Variants in SLC30A4 observed in about 807,000 individuals in gnomAD.
SLC30A4 encodes solute carrier family 30 member 4, also known as probable proton-coupled zinc antiporter SLC30A4.
In SLC30A4, 20 loss-of-function variants were observed where a neutral mutation model predicts 41.7. The observed-to-expected ratio is 0.48, with a 90% confidence interval of 0.34 to 0.70. SLC30A4 has a LOEUF of 0.70. SLC30A4 is among the 30% of genes least tolerant of loss of function. The probability of loss-of-function intolerance (pLI) is 0.01; values close to 1 mark genes in which losing one functional copy is unlikely to be tolerated. For missense variants in SLC30A4, 441 were observed against 529.3 expected (o/e 0.83, Z 1.64); for synonymous variants, 181 against 195.9 (o/e 0.92, Z 0.64).
At chr15:45,491,874 A>G (rs1595522926) in intron 3 of SLC30A4, among the ~76,000 whole-genome samples, 2 of 152,204 alleles carry the variant, frequency 1.3e-5, no homozygotes, top group East Asian at 1.9e-4. Flanking sequence ...AAAAAAATCA[A>G]TAAGAAAATT....
chr15:45,513,382 CT>C (rs746584532), intron 2 of SLC30A4, among the ~76,000 whole-genome samples: 128 of 136,550 alleles, frequency 9.4e-4, no homozygotes, highest in Admixed American at 1.1e-3. Flanking sequence ...ATCTTTTTAT[CT>C]TTTTTTTTTT....
chr15:45,490,889 G>A lies in SLC30A4; in HGVS notation c.539-8C>T. 1 of 1,542,682 alleles carries A rather than the reference G, an allele frequency of 6.5e-7. No individual in the cohort carries two copies. Among genetic ancestry groups the A allele is most frequent in the Non-Finnish European group, 8.8e-7 (1 of 1,141,680 alleles). ...TCATAGCTGACAAAACCTCTAGAGG[G>A]AAAAACACATATAACAAATACATTT... On this transcript the variant is annotated splice_region_variant and splice_polypyrimidine_tract_variant and intron_variant, in intron 3 of 7. Transcript: ENST00000261867.
chr15:45,481,534 C>A lies in SLC30A4; in HGVS notation c.*3629G>T, dbSNP rs989424110. The A allele has an allele frequency of 8.5e-5, 13 of 152,154 alleles. No individual in the cohort carries two copies. The highest frequency in any genetic ancestry group is 3.9e-4 in the Admixed American group (6 of 15,268). The allele number at this position is 152,154 out of a possible 1,614,324, so 9.4% of individuals were successfully genotyped here. ...TAAAATATATCACACCAAAGAACTG[C>A]CAAGTTTTTATATTGTGGTCTGTGG... On this transcript the variant is annotated 3_prime_UTR_variant, in exon 8 of 8. Coordinates refer to ENST00000261867, the MANE Select transcript of SLC30A4 (RefSeq NM_013309.6).
intron 2 of SLC30A4, chr15:45,521,701 A>G (rs1354392900): frequency 4.8e-6 from 2 of 415,164 alleles, no homozygotes; most frequent in Admixed American, 8.0e-5. Context: ...CATGACATAC[A>G]ATGAAGATAA....
rs757859761 is a variant in SLC30A4, at chr15:45,488,807, C to T, written c.894+34G>A. The T allele has an allele frequency of 5.0e-5, 78 of 1,555,916 alleles. 1 individual carries two copies. Among genetic ancestry groups the T allele is most frequent in the South Asian group, 1.0e-4 (9 of 89,618 alleles). Reference sequence around the variant, plus strand: ...TTAGTTTTCATGTTGAAATTAAGTACATTTTAAAATAGAAAAATTACCAAT... The same window carrying T: ...TTAGTTTTCATGTTGAAATTAAGTATATTTTAAAATAGAAAAATTACCAAT... On this transcript the variant is annotated intron_variant, in intron 5 of 7. Transcript: ENST00000261867.
rs1334963905 is a variant in SLC30A4 at position 45,481,870 on chromosome 15, C to T, written c.*3293G>A. 2 of 151,828 alleles carry T rather than the reference C, an allele frequency of 1.3e-5. No individual in the cohort carries two copies. The highest frequency in any genetic ancestry group is 1.3e-4 in the Admixed American group (2 of 15,224). The allele number at this position is 151,828 out of a possible 1,614,324, so 9.4% of individuals were successfully genotyped here. On this transcript the variant is annotated 3_prime_UTR_variant, in exon 8 of 8. Coordinates refer to ENST00000261867, the MANE Select transcript of SLC30A4 (RefSeq NM_013309.6). Reference sequence around the variant, plus strand: ...TGTACTTTTTCCTACAAAAACAAAGCACAGGAAACTTTATGTGTACCTCAC... The same window carrying T: ...TGTACTTTTTCCTACAAAAACAAAGTACAGGAAACTTTATGTGTACCTCAC...
chr15:45,505,238 T>TAAAAAAAAA (rs1209222695), intron 3 of SLC30A4, among the ~76,000 whole-genome samples: 35 of 52,112 alleles, frequency 6.7e-4, no homozygotes, highest in Non-Finnish European at 9.6e-4. Context: ...TCTCAAAAAT[T>TAAAAAAAAA]AAAAAAAAAA....
Position 45,483,892 on chromosome 15 carries a change from C to T in SLC30A4, c.*1271G>A, listed in dbSNP as rs1595519942. On this transcript the variant is annotated 3_prime_UTR_variant, in exon 8 of 8. Transcript: ENST00000261867. ...AAGAACAAAAACAAAAACAAAACCA[C>T]ACACATATATAAGGTCAAAAATCCT... 1 of 152,176 alleles carries T rather than the reference C, an allele frequency of 6.6e-6. No homozygotes were observed. The highest frequency in any genetic ancestry group is 1.5e-5 in the Non-Finnish European group (1 of 68,134). 9.4% of individuals were successfully genotyped at this position (152,176 alleles called of 1,614,324 possible).
chr15:45,487,640 G>A lies in SLC30A4; in HGVS notation c.895-8C>T. 7.7e-7 allele frequency: 1 copy of A among 1,292,440 alleles called. No individual in the cohort carries two copies. The highest frequency in any genetic ancestry group is 2.3e-5 in the East Asian group (1 of 43,078). The allele number at this position is 1,292,440 out of a possible 1,614,324, so 80.1% of individuals were successfully genotyped here. ...AGCAATCTTGTATTCTGGCTAAAGGGTAATAGATCAAAATTTATGATTAAA... is the reference window on the plus strand; with the variant it reads ...AGCAATCTTGTATTCTGGCTAAAGGATAATAGATCAAAATTTATGATTAAA... On this transcript the variant is annotated splice_polypyrimidine_tract_variant and splice_region_variant and intron_variant, in intron 5 of 7. Transcript: ENST00000261867.
intron 2 of SLC30A4, chr15:45,520,941 G>T: frequency 2.3e-6 from 1 of 433,406 alleles, no homozygotes; most frequent in Non-Finnish European, 4.7e-6. Flanking sequence ...CGCCTTAGAG[G>T]CAAAAAGAGC....
Position 45,490,959 on chromosome 15 carries a change from C to CT in SLC30A4, c.539-79dup. The CT allele has an allele frequency of 5.4e-6, 5 of 920,778 alleles. No homozygotes were observed. The East Asian group carries it at 7.8e-5, about 14-fold the overall frequency. The allele number at this position is 920,778 out of a possible 1,614,324, so 57.0% of individuals were successfully genotyped here. On this transcript the variant is annotated intron_variant, in intron 3 of 7. Coordinates refer to ENST00000261867, the MANE Select transcript of SLC30A4 (RefSeq NM_013309.6). Reference sequence around the variant, plus strand: ...TCATACCAACTAAATATTATATAGTCTTTTTTATATTCTTTCCTCTAAGGA... The same window carrying CT: ...TCATACCAACTAAATATTATATAGTCTTTTTTTATATTCTTTCCTCTAAGGA...
intron 3 of SLC30A4, among the ~76,000 whole-genome samples, chr15:45,504,617 C>A (rs1202363421): frequency 6.6e-6 from 1 of 152,132 alleles, no homozygotes; most frequent in Admixed American, 6.5e-5. Flanking sequence ...CTAAAAGCTA[C>A]ATATAAACCT....
chr15:45,513,287 C>G (rs1236833033), intron 2 of SLC30A4, among the ~76,000 whole-genome samples: 1 of 150,700 alleles, frequency 6.6e-6, no homozygotes, highest in Non-Finnish European at 1.5e-5. Context: ...CTCACTGCAG[C>G]CTCAACCTCC....
At chr15:45,521,498 C>A (rs1241692274) in intron 2 of SLC30A4, among the ~76,000 whole-genome samples, 1 of 151,570 alleles carries the variant, frequency 6.6e-6, no homozygotes, top group African/African-American at 2.4e-5. Flanking sequence ...GTGGCCCTCA[C>A]GACTTATTCC....
intron 3 of SLC30A4, chr15:45,502,877 C>G (rs1453142014): frequency 6.6e-6 from 1 of 151,920 alleles, no homozygotes; most frequent in Non-Finnish European, 1.5e-5. Flanking sequence ...GCATGCAGTC[C>G]TAGCTACTCT....
intron 5 of SLC30A4, 52 bp from the exon 6 acceptor site, chr15:45,487,684 A>G: frequency 1.2e-6 from 1 of 859,082 alleles, no homozygotes; most frequent in Non-Finnish European, 2.0e-6. Flanking sequence ...TATAAAACAG[A>G]CTGCAAAGCA....
intron 5 of SLC30A4, among the ~76,000 whole-genome samples, chr15:45,488,076 GTACTC>G (rs1005252969): frequency 2.4e-4 from 37 of 152,008 alleles, no homozygotes; most frequent in Admixed American, 2.2e-3. Flanking sequence ...CACAGCCACT[GTACTC>G]AGCTCTGGAA....
chr15:45,503,578 T>G (rs1005518889), intron 3 of SLC30A4, among the ~76,000 whole-genome samples: 8 of 151,160 alleles, frequency 5.3e-5, no homozygotes, highest in Non-Finnish European at 8.8e-5. Context: ...ATCGAGCCAC[T>G]GCACTCCAGC....
rs911951857 is a variant in SLC30A4 at position 45,522,003 on chromosome 15, C to T, written c.352G>A (p.Ala118Thr). The T allele has an allele frequency of 1.9e-6, 3 of 1,614,218 alleles. No homozygotes were observed. In the South Asian group the frequency reaches 3.3e-5, roughly 18 times the overall value. The change falls in exon 2 of 8, where the codon GCC (alanine) becomes ACC (threonine). Residue 118 changes from alanine to threonine, a missense_variant. By Grantham distance (58) the Ala-to-Thr change is moderately conservative (BLOSUM62 0). Coordinates refer to ENST00000261867, the MANE Select transcript of SLC30A4 (RefSeq NM_013309.6). ...ATCATGAAAAGCAAGTACAGAACGG[C>T]AGCAATGGTCAACCTGGCTTTCACC... Reference protein sequence around the residue: ...RKVKARLTIAAVLYLLFMIGE... With the variant: ...RKVKARLTIATVLYLLFMIGE...
Sources: gnomAD v4.1 joint callset for allele counts (sites outside exome capture counted in the v4.1 genomes callset) on GRCh38, gnomAD v4.1.1 for gene constraint, MANE v1.5 for transcripts, NCBI Gene and HGNC (gene_info 2026-07-23, HGNC 2026-07-21) for gene names.